PLEKHM3: variants seen among roughly 807,000 people sequenced by gnomAD.
PLEKHM3 encodes the protein pleckstrin homology domain-containing family M member 3.
A neutral mutation model predicts 81.8 loss-of-function variants in PLEKHM3; 45 were observed. That is an observed-to-expected ratio of 0.55 (90% CI 0.43 to 0.71). The LOEUF (loss-of-function observed/expected upper bound fraction) is 0.71, where lower values mean the gene tolerates loss of function less well. Among genes scored for constraint, PLEKHM3 ranks in the 30% least tolerant of loss-of-function variants. The pLI, the probability that PLEKHM3 is intolerant of heterozygous loss-of-function variation, is 0.00. For synonymous variants in PLEKHM3, 352 were observed against 356.4 expected, an observed-to-expected ratio of 0.99 and a Z score of 0.14; for missense variants, 788 against 924.3, an observed-to-expected ratio of 0.85 and a Z score of 1.91.
intron 6 of PLEKHM3, among the ~76,000 whole-genome samples, chr2:207,906,162 G>A (rs1242303002): frequency 2.6e-5 from 4 of 152,190 alleles, no homozygotes; most frequent in Admixed American, 2.0e-4. Context: ...AGAATGTTCA[G>A]TGCCTTTAAA....
At chr2:207,922,856 C>T (rs190443259) in intron 5 of PLEKHM3, among the ~76,000 whole-genome samples, 85 of 151,018 alleles carry the variant, frequency 5.6e-4, no homozygotes, top group Non-Finnish European at 9.4e-4. Flanking sequence ...GTGCCAAATG[C>T]GTGGTCCAGA....
chr2:208,004,944 A>T (rs1559280108), intron 1 of PLEKHM3, among the ~76,000 whole-genome samples: 1 of 151,822 alleles, frequency 6.6e-6, no homozygotes, highest in African/African-American at 2.4e-5. Context: ...TCCTGCCTCA[A>T]CCTCCTGAGT....
intron 3 of PLEKHM3, among the ~76,000 whole-genome samples, chr2:207,965,077 CAAGTAGCTTTTATTCTT>C (rs953328608): frequency 2.0e-5 from 3 of 152,238 alleles, no homozygotes; most frequent in African/African-American, 7.2e-5. Context: ...TAGAAACTCT[CAAGTAGCTTTTATTCTT>C]AGGTCCATGA....
chr2:207,899,217 A>C (rs938064304), intron 6 of PLEKHM3, among the ~76,000 whole-genome samples: 10 of 152,218 alleles, frequency 6.6e-5, no homozygotes, highest in African/African-American at 2.2e-4. Context: ...AAACCTCCTC[A>C]GCCCTCAAAC....
intron 6 of PLEKHM3, among the ~76,000 whole-genome samples, chr2:207,877,219 G>T (rs1559217468): frequency 6.6e-6 from 1 of 152,142 alleles, no homozygotes; most frequent in Non-Finnish European, 1.5e-5. Flanking sequence ...AATCTAAATA[G>T]AAAAGAGTCC....
chr2:207,920,366 G>C (rs984669100), intron 5 of PLEKHM3, among the ~76,000 whole-genome samples: 1 of 152,098 alleles, frequency 6.6e-6, no homozygotes, highest in Non-Finnish European at 1.5e-5. Flanking sequence ...ACCGTAATGG[G>C]CTATGGATTT....
chr2:207,976,583 A>T lies in PLEKHM3; in HGVS notation c.1546+68T>A. ...ACTAGCCTATTAAGGGGATTTTTAA[A>T]GTGAATTCCAATTGTGGGGTTCAGG... On this transcript the variant is annotated intron_variant, in intron 3 of 7. Transcript: ENST00000427836. The surrounding 1 kb of genome is among the most constrained non-coding windows in gnomAD (Gnocchi z 4.1). The T allele has an allele frequency of 3.4e-6, 5 of 1,454,712 alleles. No homozygotes were observed. The East Asian group carries it at 1.1e-4, about 33-fold the overall frequency. 90.1% of individuals were successfully genotyped at this position (1,454,712 alleles called of 1,614,324 possible). A position where few individuals can be genotyped will look rare whatever the true frequency, so the allele number is the denominator to read the frequency against.
chr2:208,013,497 C>G (rs535171297), intron 1 of PLEKHM3, among the ~76,000 whole-genome samples: 1 of 151,230 alleles, frequency 6.6e-6, no homozygotes, highest in East Asian at 1.9e-4. Flanking sequence ...GCCTGGGCAA[C>G]AGAGCAAGAC....
At chr2:207,973,159 T>C (rs747544346) in intron 3 of PLEKHM3, among the ~76,000 whole-genome samples, 20 of 152,236 alleles carry the variant, frequency 1.3e-4, no homozygotes, top group Non-Finnish European at 2.1e-4. Context: ...AAGATCAACA[T>C]GCTATGCCAC....
chr2:207,964,749 C>T (rs562422569), intron 3 of PLEKHM3, among the ~76,000 whole-genome samples: 7 of 152,100 alleles, frequency 4.6e-5, no homozygotes, highest in Non-Finnish European at 7.4e-5. Flanking sequence ...GGGAGTTTCA[C>T]GCTCTTTGGG....
rs572399244 is a variant in PLEKHM3 at position 208,002,712 on chromosome 2, T to G, written c.-318-755A>C. ...CTACCTGGGCAGAAAGAATCCTACA[T>G]AAGCAGTAACCCATGCTTTCAAACA... On this transcript the variant is annotated intron_variant, in intron 1 of 7. Coordinates refer to ENST00000427836, the MANE Select transcript of PLEKHM3 (RefSeq NM_001080475.3). Among the ~76,000 whole-genome samples the G allele has an allele frequency of 2.6e-5, 4 of 152,136 alleles. 1 individual carries two copies. In the South Asian group the frequency reaches 8.3e-4, roughly 32 times the overall value.
At chr2:207,860,151 C>CTGTGTGTG (rs55739776) in intron 7 of PLEKHM3, among the ~76,000 whole-genome samples, 8,821 of 110,558 alleles carry the variant, frequency 0.08, 488 homozygotes, top group South Asian at 0.098. Context: ...AACTCTGCCT[C>CTGTGTGTG]TGTGTGTGTG....
Position 207,948,605 on chromosome 2 carries a change from G to A in PLEKHM3, c.1547-2093C>T, listed in dbSNP as rs554382542. ...GTCACCCAGGCTGGAGTGCGGTGGC[G>A]CGATTTCGGCTCGCTGCAACCTCCG... On this transcript the variant is annotated intron_variant, in intron 3 of 7. Transcript: ENST00000427836. Among the ~76,000 whole-genome samples, 408 of 148,568 alleles carry A rather than the reference G, an allele frequency of 2.7e-3. 6 individuals carry two copies. Among genetic ancestry groups the A allele is most frequent in the African/African-American group, 9.3e-3 (376 of 40,258 alleles).
rs1165967334 is a variant in PLEKHM3, at chr2:207,825,567, CAGTA to C, written c.*2748_*2751del. The C allele has an allele frequency of 3.3e-5, 5 of 152,250 alleles. No individual in the cohort carries two copies. Among genetic ancestry groups the C allele is most frequent in the African/African-American group, 9.6e-5 (4 of 41,554 alleles). The allele number at this position is 152,250 out of a possible 1,614,324, so 9.4% of individuals were successfully genotyped here. A position where few individuals can be genotyped will look rare whatever the true frequency, so the allele number is the denominator to read the frequency against. Reference sequence around the variant, plus strand: ...CCAAGTAATTTGTTAAAGTTGAAAACAGTAAGGGCGTTCATGTGCGCCAAGGTAT... The same window carrying C: ...CCAAGTAATTTGTTAAAGTTGAAAACAGGGCGTTCATGTGCGCCAAGGTAT... On this transcript the variant is annotated 3_prime_UTR_variant, in exon 8 of 8. Coordinates refer to ENST00000427836, the MANE Select transcript of PLEKHM3 (RefSeq NM_001080475.3).
At position 207,944,481 on chromosome 2, in the gene PLEKHM3, G is replaced by A. The variant is rs372645460; in HGVS notation, c.1692+1886C>T. 2.6e-4 allele frequency among the ~76,000 whole-genome samples: 40 copies of A among 152,266 alleles called. No homozygotes were observed. In the South Asian group the frequency reaches 7.5e-3, roughly 28 times the overall value. On this transcript the variant is annotated intron_variant, in intron 4 of 7. Coordinates refer to ENST00000427836, the MANE Select transcript of PLEKHM3 (RefSeq NM_001080475.3). ...GAAGGAGGACAATGAGGATAGATGC[G>A]GATGTAGGCACGTTTATAGGTCAGT...
chr2:207,925,325 A>G (rs1339592423), intron 5 of PLEKHM3, among the ~76,000 whole-genome samples: 2 of 151,894 alleles, frequency 1.3e-5, no homozygotes, highest in Non-Finnish European at 2.9e-5. Context: ...TGCTCTGCAC[A>G]GAAAGGTGTG....
At chr2:207,968,166 A>G (rs1690983793) in intron 3 of PLEKHM3, among the ~76,000 whole-genome samples, 2 of 151,826 alleles carry the variant, frequency 1.3e-5, no homozygotes, top group Admixed American at 1.3e-4. Flanking sequence ...GACCTGACCT[A>G]CTTCTCTAGT....
At chr2:207,911,048 C>A (rs1688794829) in intron 5 of PLEKHM3, among the ~76,000 whole-genome samples, 1 of 152,080 alleles carries the variant, frequency 6.6e-6, no homozygotes, top group South Asian at 2.1e-4. Flanking sequence ...TGCTGAATAT[C>A]CAGTGCCTGT....
At chr2:207,920,574 T>G (rs1009993679) in intron 5 of PLEKHM3, among the ~76,000 whole-genome samples, 1 of 88,344 alleles carries the variant, frequency 1.1e-5, no homozygotes, top group Non-Finnish European at 2.5e-5. Flanking sequence ...CAAAGTAAAA[T>G]GAGAGAAAAA....
Sources: allele counts gnomAD v4.1 joint callset (sites outside exome capture counted in the v4.1 genomes callset), GRCh38; gene constraint gnomAD v4.1.1; non-coding constraint Gnocchi (gnomAD v3.1); transcripts MANE v1.5; gene names NCBI Gene and HGNC (gene_info 2026-07-23, HGNC 2026-07-21).